Variants in SLC39A11 observed in about 807,000 individuals in gnomAD.
The protein encoded by SLC39A11 is solute carrier family 39 member 11, also known as zinc transporter ZIP11.
In SLC39A11, 33 loss-of-function variants were observed where a neutral mutation model predicts 36.1. The observed-to-expected ratio is 0.91, with a 90% CI of 0.69 to 1.22. SLC39A11 has a LOEUF of 1.22. Ranked by LOEUF, SLC39A11 falls within the 50% of genes most tolerant of loss-of-function variation. The pLI is 0.00. For missense variants in SLC39A11, 432 were observed against 430.3 expected, an observed-to-expected ratio of 1.00 and a Z score of -0.03; for synonymous variants, 166 against 170.3, an observed-to-expected ratio of 0.97 and a Z score of 0.20.
intron 3 of SLC39A11, among the ~76,000 whole-genome samples, chr17:73,063,577 T>C (rs1313806149): frequency 6.6e-6 from 1 of 151,898 alleles, no homozygotes; most frequent in Non-Finnish European, 1.5e-5. Flanking sequence ...ATCGTGTCAC[T>C]GCACTCCAGC....
chr17:72,950,214 T>C (rs1470124946), intron 4 of SLC39A11, among the ~76,000 whole-genome samples: 1 of 152,212 alleles, frequency 6.6e-6, no homozygotes, highest in Non-Finnish European at 1.5e-5. Flanking sequence ...AACACCCCCA[T>C]GTAACTTTGT....
At chr17:72,996,220 T>C (rs1408262796) in intron 4 of SLC39A11, among the ~76,000 whole-genome samples, 1 of 152,210 alleles carries the variant, frequency 6.6e-6, no homozygotes, top group African/African-American at 2.4e-5. Context: ...CCCTGCCTGG[T>C]GTCTCGGCCC....
intron 7 of SLC39A11, among the ~76,000 whole-genome samples, chr17:72,653,786 G>A (rs1159994821): frequency 6.6e-6 from 1 of 152,094 alleles, no homozygotes; most frequent in Non-Finnish European, 1.5e-5. Flanking sequence ...TTGAGCCCTG[G>A]GGGTCACCTC....
intron 5 of SLC39A11, among the ~76,000 whole-genome samples, chr17:72,868,685 C>CACAG (rs1383974738): frequency 6.7e-6 from 1 of 148,518 alleles, no homozygotes; most frequent in African/African-American, 2.5e-5. Flanking sequence ...TGGCACATGC[C>CACAG]ACAGGCCCAG....
chr17:72,883,671 C>A (rs1361276996), intron 5 of SLC39A11, among the ~76,000 whole-genome samples: 1 of 152,122 alleles, frequency 6.6e-6, no homozygotes, highest in African/African-American at 2.4e-5. Context: ...GGAGAAACAG[C>A]CAATAAAAAT....
chr17:73,052,832 C>G (rs1364342742), intron 3 of SLC39A11, among the ~76,000 whole-genome samples: 5 of 152,126 alleles, frequency 3.3e-5, no homozygotes, highest in African/African-American at 1.2e-4. Context: ...TCCCGAGTAG[C>G]TGGAATTACA....
chr17:72,734,634 T>A (rs2143936681), intron 7 of SLC39A11, among the ~76,000 whole-genome samples: 1 of 152,354 alleles, frequency 6.6e-6, no homozygotes, highest in East Asian at 1.9e-4. Context: ...TGCTCCACTT[T>A]CTTCCAAAAT....
intron 5 of SLC39A11, among the ~76,000 whole-genome samples, chr17:72,903,165 C>T (rs987131286): frequency 6.7e-6 from 1 of 149,750 alleles, no homozygotes; most frequent in African/African-American, 2.5e-5. Context: ...ACTTGAGGAA[C>T]TGAAGCAGGA....
At chr17:72,734,003 T>C (rs9909667) in intron 7 of SLC39A11, among the ~76,000 whole-genome samples, 8,884 of 152,152 alleles carry the variant, frequency 0.058, 450 homozygotes, top group African/African-American at 0.14. Flanking sequence ...CTGCTATGAG[T>C]TGAGCATTCT....
At chr17:73,087,480 C>A (rs181391342) in intron 2 of SLC39A11, among the ~76,000 whole-genome samples, 13 of 152,256 alleles carry the variant, frequency 8.5e-5, no homozygotes, top group Non-Finnish European at 1.3e-4. Flanking sequence ...CCGAGGTGAT[C>A]GATGCAGGGA....
intron 4 of SLC39A11, among the ~76,000 whole-genome samples, chr17:72,982,757 A>G (rs75617699): frequency 0.025 from 3,839 of 151,570 alleles, 110 homozygotes; most frequent in East Asian, 0.12. Flanking sequence ...ATTCAATGTT[A>G]GCAAATCTCT....
At chr17:72,936,757 G>T (rs1290580398) in intron 5 of SLC39A11, among the ~76,000 whole-genome samples, 2 of 107,792 alleles carry the variant, frequency 1.9e-5, no homozygotes, top group Non-Finnish European at 3.7e-5. Flanking sequence ...TGGGGGGTAG[G>T]GGGTGGTTTC....
At chr17:72,667,407 T>G (rs1396138095) in intron 7 of SLC39A11, among the ~76,000 whole-genome samples, 2 of 152,192 alleles carry the variant, frequency 1.3e-5, no homozygotes, top group East Asian at 3.8e-4. Context: ...AAGAGAAATC[T>G]TTTCCTTCCT....
chr17:72,755,311 C>G (rs369751968), intron 6 of SLC39A11, among the ~76,000 whole-genome samples: 1 of 152,222 alleles, frequency 6.6e-6, no homozygotes, highest in Non-Finnish European at 1.5e-5. Context: ...ATAAGGGCAA[C>G]GAAATCAGGA....
At chr17:72,649,902 G>A (rs1017620975) in intron 7 of SLC39A11, among the ~76,000 whole-genome samples, 8 of 152,096 alleles carry the variant, frequency 5.3e-5, no homozygotes, top group African/African-American at 1.9e-4. Context: ...CTACACCTCT[G>A]TTTCTTGTAT....
intron 6 of SLC39A11, among the ~76,000 whole-genome samples, chr17:72,756,369 C>CGTGTTTA: frequency 6.6e-6 from 1 of 152,214 alleles, no homozygotes; most frequent in Non-Finnish European, 1.5e-5. Context: ...CAGCTCAAAC[C>CGTGTTTA]TGGAAGCAAC....
At chr17:73,026,200 G>GGAAGAGAAGA (rs763842495) in intron 4 of SLC39A11, among the ~76,000 whole-genome samples, 18 of 127,036 alleles carry the variant, frequency 1.4e-4, no homozygotes, top group African/African-American at 5.3e-4. Flanking sequence ...AGAAGAGAAG[G>GGAAGAGAAGA]GAAGAGAAGA....
At chr17:73,048,939 C>T (rs758368141) in intron 3 of SLC39A11, among the ~76,000 whole-genome samples, 8 of 152,106 alleles carry the variant, frequency 5.3e-5, no homozygotes, top group South Asian at 4.1e-4. Context: ...TAGATAATAA[C>T]GCAGATGTGC....
chr17:72,741,050 A>G (rs1381453327), intron 6 of SLC39A11, among the ~76,000 whole-genome samples: 1 of 152,060 alleles, frequency 6.6e-6, no homozygotes, highest in Admixed American at 6.5e-5. Flanking sequence ...CTGGGATTAC[A>G]AGCATGAGCC....
Sources: gnomAD v4.1 joint callset for allele counts (sites outside exome capture counted in the v4.1 genomes callset) on GRCh38, gnomAD v4.1.1 for gene constraint, MANE v1.5 for transcripts, NCBI Gene and HGNC (gene_info 2026-07-23, HGNC 2026-07-21) for gene names.